Variants in KMT2D observed in about 807,000 individuals in gnomAD.
The protein encoded by KMT2D is histone-lysine N-methyltransferase 2D.
KMT2D carries 55 observed loss-of-function variants against 512.7 expected under a neutral mutation model. The observed-to-expected ratio is 0.11, with a 90% CI of 0.09 to 0.13. KMT2D has a LOEUF of 0.13. Ranked by LOEUF, KMT2D falls within the 10% of genes least tolerant of loss-of-function variation. The pLI is 1.00. For missense variants in KMT2D, 6,061 were observed against 7,127.9 expected (o/e 0.85, Z 5.39); for synonymous variants, 2,995 against 2,904.0 (o/e 1.03, Z -1.01).
intron 44 of KMT2D, 78 bp from the exon 45 acceptor site, chr12:49,029,314 A>C (rs567461185): frequency 6.3e-7 from 1 of 1,584,346 alleles, no homozygotes; most frequent in African/African-American, 1.3e-5. Context: ...TAGATGTCTT[A>C]CTTGAAATCT....
chr12:49,054,168 G>A lies in KMT2D; in HGVS notation c.511-28C>T, dbSNP rs376086299. The A allele has an allele frequency of 1.3e-6, 2 of 1,567,140 alleles. No homozygotes were observed. The highest frequency in any genetic ancestry group is 2.3e-5 in the East Asian group (1 of 42,756). On this transcript the variant is annotated intron_variant, in intron 5 of 54. Coordinates refer to ENST00000301067, the MANE Select transcript of KMT2D (RefSeq NM_003482.4). This position sits in a 1 kb window ranked among gnomAD's most constrained non-coding sequence, Gnocchi z 6.4. ...GCCAGGGTGAAAAAAGAGCCTCAGTGTCAGCCAGCTCTCCCCAGACAAACA... is the reference window on the plus strand; with the variant it reads ...GCCAGGGTGAAAAAAGAGCCTCAGTATCAGCCAGCTCTCCCCAGACAAACA...
At position 49,032,852 on chromosome 12, in the gene KMT2D, CTGCTGTTGA is replaced by C. The variant is rs1246846663; in HGVS notation, c.11844_11852del (p.Gln3952_Gln3954del). 5.2e-6 allele frequency: 8 copies of C among 1,550,022 alleles called. No homozygotes were observed. The highest frequency in any genetic ancestry group is 4.1e-5 in the African/African-American group (3 of 72,960). On this transcript the variant is annotated inframe_deletion, in exon 40 of 55. Coordinates refer to ENST00000301067, the MANE Select transcript of KMT2D (RefSeq NM_003482.4). ...GCTGTTGCTGTTGTAGCTGCTGTTG[CTGCTGTTGA>C]AGCTGTTGCTGCTGCTGTTGTTGAA...
chr12:49,052,920 A>G lies in KMT2D; in HGVS notation c.1107T>C (p.Cys369=). ...RSVAEQHTPV[C]SRFSPPEPGD... ...AGTCAGTCCCCACCACTTACCTGCT[A>G]CACACCGGGGTATGCTGCTCAGCAA... Residue 369 remains cysteine (C), a synonymous_variant, in exon 9 of 55, where the codon TGT becomes TGC. Coordinates refer to ENST00000301067, the MANE Select transcript of KMT2D (RefSeq NM_003482.4). 6.2e-7 allele frequency: 1 copy of G among 1,613,964 alleles called. No homozygotes were observed. The highest frequency in any genetic ancestry group is 8.5e-7 in the Non-Finnish European group (1 of 1,179,844).
chr12:49,019,186 C>CA lies in KMT2D; in HGVS notation c.*2593dup, dbSNP rs1942171151. ...CATTTCATCCGTTGTTACGAAGGAC[C>CA]AACCTTGCTGTACAGGATACACACA... On this transcript the variant is annotated 3_prime_UTR_variant, in exon 55 of 55. Transcript: ENST00000301067. 1 of 1,099,022 alleles carries CA rather than the reference C, an allele frequency of 9.1e-7. No homozygotes were observed. The highest frequency in any genetic ancestry group is 1.1e-6 in the Non-Finnish European group (1 of 892,224). 68.1% of individuals were successfully genotyped at this position (1,099,022 alleles called of 1,614,324 possible).
chr12:49,026,193 G>A lies in KMT2D; in HGVS notation c.15773C>T (p.Ala5258Val), dbSNP rs1942576214. 1 of 1,580,758 alleles carries A rather than the reference G, an allele frequency of 6.3e-7. No homozygotes were observed. Among genetic ancestry groups the A allele is most frequent in the African/African-American group, 1.4e-5 (1 of 74,050 alleles). The part of the protein sequence containing the change: ...QGLEDLVFTD[A>V]SPQAVWNRII... ...GGCCCACTGCTCACCCTGGGGAGAGGCGTCAGTGAAGACCAGGTCCTCCAG... is the reference window on the plus strand; with the variant it reads ...GGCCCACTGCTCACCCTGGGGAGAGACGTCAGTGAAGACCAGGTCCTCCAG... The change falls in exon 49 of 55, where the codon GCC (alanine) becomes GTC (valine). Residue 5258 changes from alanine to valine, a missense_variant. By Grantham distance (64) the Ala-to-Val change is moderately conservative. Transcript: ENST00000301067. The surrounding 1 kb of genome is among the most constrained non-coding windows in gnomAD (Gnocchi z 9.6).
intron 19 of KMT2D, 132 bp from the exon 20 acceptor site, chr12:49,045,097 G>A (rs767790864): frequency 2.5e-6 from 2 of 810,270 alleles, no homozygotes; most frequent in South Asian, 1.7e-5. Flanking sequence ...AAATGCTGAG[G>A]AGAACAGGCC....
rs772198996 is a variant in KMT2D at position 49,031,790 on chromosome 12, G to T, written c.12915C>A (p.Val4305=). 8 of 1,607,576 alleles carry T rather than the reference G, an allele frequency of 5.0e-6. No homozygotes were observed. The highest frequency in any genetic ancestry group is 6.8e-6 in the Non-Finnish European group (8 of 1,176,446). ...GGCTGGATGGTGGAGGTGTGGGATG[G>T]ACAGGGCCAAGGACTGGTCCTGTAG... ...ALSTGPVLGP[V]HPTPPPSSPQ... is the part of the protein sequence containing the mutation. Residue 4305 remains valine, a synonymous_variant, in exon 40 of 55, where the codon GTC becomes GTA. Transcript: ENST00000301067.
chr12:49,055,237 A>G (rs776468404), intron 2 of KMT2D, 39 bp downstream of exon 2: 29 of 1,610,712 alleles, frequency 1.8e-5, no homozygotes, highest in Middle Eastern at 3.3e-4. Context: ...AAGGTTGCCA[A>G]TGAAATCTAA....
In KMT2D at chr12:49,031,285, G is replaced by C. The variant is rs913231668; in HGVS notation, c.13420C>G (p.Leu4474Val). The change falls in exon 40 of 55, where the codon CTC (leucine) becomes GTC (valine). Residue 4474 changes from leucine to valine, a missense_variant. Transcript: ENST00000301067. ...QKLLRAKNVQ[L>V]STGRGSEGLR... is the part of the protein sequence containing the mutation. ...CCCTCGGACCCCCGCCCAGTGCTGA[G>C]TTGCACATTCTTTGCCCGGAGTAGC... The C allele has an allele frequency of 6.2e-7, 1 of 1,613,562 alleles. No individual in the cohort carries two copies.
rs1251374196 is a variant in KMT2D at position 49,038,538 on chromosome 12, G to C, written c.8818C>G (p.Pro2940Ala). ...GGATGAAGACTGTTGTTCAATTCAG[G>C]GGCCGGTGGGGCTGAGGGTTTCTGT... ...PPQKPSAPPAPELNNSLHPTP... is the reference protein window; with the variant it reads ...PPQKPSAPPAAELNNSLHPTP... The change falls in exon 35 of 55, where the codon CCT becomes GCT. Residue 2940 changes from proline to alanine, a missense_variant. Physicochemically the swap from Pro to Ala is conservative, Grantham distance 27. This residue lies in a region of KMT2D where 527 missense variants were observed against 578.9 expected (regional missense o/e 0.91). Transcript: ENST00000301067. This position sits in a 1 kb window ranked among gnomAD's most constrained non-coding sequence, Gnocchi z 5.7. 6.2e-7 allele frequency: 1 copy of C among 1,611,136 alleles called. No homozygotes were observed. Among genetic ancestry groups the C allele is most frequent in the South Asian group, 1.1e-5 (1 of 91,036 alleles).
In KMT2D at chr12:49,042,315, G is replaced by C. The variant is rs534782967; in HGVS notation, c.5883C>G (p.Phe1961Leu). Reference sequence around the variant, plus strand: ...CGGGCTCACCGGGTTCCGGGCTAAAGAAGCCCCCGCGCTCCCTGGGGCGCA... The same window carrying C: ...CGGGCTCACCGGGTTCCGGGCTAAACAAGCCCCCGCGCTCCCTGGGGCGCA... ...PFLDSRERGG[F>L]FSPEPGEPDS... The change falls in exon 29 of 55, where the codon TTC becomes TTG. Residue 1961 changes from phenylalanine to leucine, a missense_variant. This residue lies in a region of KMT2D where 640 missense variants were observed against 814.3 expected (regional missense o/e 0.79). Transcript: ENST00000301067. The surrounding 1 kb of genome is among the most constrained non-coding windows in gnomAD (Gnocchi z 4.4). 1 of 1,546,452 alleles carries C rather than the reference G, an allele frequency of 6.5e-7. No homozygotes were observed. Among genetic ancestry groups the C allele is most frequent in the Non-Finnish European group, 8.7e-7 (1 of 1,144,624 alleles).
rs1442753075 is a variant in KMT2D at position 49,031,676 on chromosome 12, G to A, written c.13029C>T (p.Thr4343=). The A allele has an allele frequency of 6.2e-7, 1 of 1,610,920 alleles. No individual in the cohort carries two copies. The highest frequency in any genetic ancestry group is 8.5e-7 in the Non-Finnish European group (1 of 1,178,738). ...CCAAGGTTGGCCCCTGAGGTTTGGG[G>A]GTCCCTGGATGGGTGGGAGGGAGCT... is the stretch of plus-strand genomic sequence containing the variant. ...EAQLPPTHPG[T]PKPQGPTLEP... is the part of the protein sequence containing the mutation. The change falls in exon 40 of 55, where the codon ACC becomes ACT. Residue 4343 remains threonine (T), a synonymous_variant. Coordinates refer to ENST00000301067, the MANE Select transcript of KMT2D (RefSeq NM_003482.4).
Position 49,022,324 on chromosome 12 carries a change from G to A in KMT2D, c.16368C>T (p.Asn5456=). The A allele has an allele frequency of 6.2e-7, 1 of 1,609,354 alleles. No homozygotes were observed. Among genetic ancestry groups the A allele is most frequent in the Non-Finnish European group, 8.5e-7 (1 of 1,176,830 alleles). Residue 5456 remains asparagine (N), a synonymous_variant, in exon 53 of 55, where the codon AAC becomes AAT. Coordinates refer to ENST00000301067, the MANE Select transcript of KMT2D (RefSeq NM_003482.4). This position sits in a 1 kb window ranked among gnomAD's most constrained non-coding sequence, Gnocchi z 8.6. ...ACGTAGCATCAATCACATGTTCATT[G>A]TTTATTCGGAACATGTAGATGCCTC... ...QNRGIYMFRI[N]NEHVIDATLT... is the part of the protein sequence containing the mutation.
In KMT2D at chr12:49,051,744, G is replaced by C. The variant is rs200106242; in HGVS notation, c.1939C>G (p.Pro647Ala). The change falls in exon 11 of 55, where the codon CCA (proline) becomes GCA (alanine). Residue 647 changes from proline to alanine, a missense_variant. Around this residue, in one of 16 missense-constraint regions of KMT2D, gnomAD observed 848 missense variants for 838.5 expected, o/e 1.01. Transcript: ENST00000301067. ...PPPEESPMSP[P>A]PEVSRLSPLP... is the part of the protein sequence containing the mutation. ...GGGGATAGGCGCGATACCTCAGGTG[G>C]GGGGGACATAGGTGATTCTTCAGGT... 1.3e-6 allele frequency: 2 copies of C among 1,589,452 alleles called. No individual in the cohort carries two copies. The highest frequency in any genetic ancestry group is 2.2e-5 in the East Asian group (1 of 44,462).
At chr12:49,025,308 TAAC>T (rs1942519520) in intron 49 of KMT2D, among the ~76,000 whole-genome samples, 1 of 152,228 alleles carries the variant, frequency 6.6e-6, no homozygotes, top group Non-Finnish European at 1.5e-5. Flanking sequence ...ACGTGCAGCT[TAAC>T]AACATTTCAT....
rs377231704 is a variant in KMT2D at position 49,037,802 on chromosome 12, A to G, written c.9554T>C (p.Phe3185Ser). The G allele has an allele frequency of 1.3e-6, 2 of 1,597,258 alleles. No homozygotes were observed. The highest frequency in any genetic ancestry group is 1.7e-6 in the Non-Finnish European group (2 of 1,171,688). ...SSGHTAEKASFGATGGPPAHL... is the reference protein window; with the variant it reads ...SSGHTAEKASSGATGGPPAHL... ...AGCTGGTGGTCCTCCCGTGGCCCCA[A>G]AGGAGGCCTTCTCAGCTGTGTGCCC... Residue 3185 changes from phenylalanine (F) to serine (S), a missense_variant, in exon 35 of 55, where the codon TTT becomes TCT. By Grantham distance (155) the Phe-to-Ser change is radical. This residue lies in a region of KMT2D where 533 missense variants were observed against 539.6 expected (regional missense o/e 0.99). Transcript: ENST00000301067.
rs2120703168 is a variant in KMT2D at position 49,054,003 on chromosome 12, C to T, written c.648G>A (p.Glu216=). The T allele has an allele frequency of 6.2e-7, 1 of 1,613,960 alleles. No individual in the cohort carries two copies. Among genetic ancestry groups the T allele is most frequent in the East Asian group, 2.2e-5 (1 of 44,890 alleles). ...SMKTLQLLCP[E]HSEGAAYLEE... ...CCAGATATGCAGCCCCCTCACTGTG[C>T]TCTGGGCATAGCAGCTGCAGTGTTT... Residue 216 remains glutamate (E), a synonymous_variant, in exon 6 of 55, where the codon GAG becomes GAA. Transcript: ENST00000301067. This position sits in a 1 kb window ranked among gnomAD's most constrained non-coding sequence, Gnocchi z 6.4.
Position 49,041,942 on chromosome 12 carries a change from G to A in KMT2D, c.6158C>T (p.Pro2053Leu), listed in dbSNP as rs1328720884. 1.2e-6 allele frequency: 2 copies of A among 1,609,712 alleles called. No individual in the cohort carries two copies. Among genetic ancestry groups the A allele is most frequent in the South Asian group, 1.1e-5 (1 of 90,060 alleles). ...CAGGTAGGGGGCTTTGTCAGCTGCT[G>A]GAACCTTTCTCCAGAGCTTCATGAT... ...KQIMKLWRKV[P>L]AADKAPYLQK... Residue 2053 changes from proline (P) to leucine (L), a missense_variant, in exon 30 of 55, where the codon CCA becomes CTA. Pro to Leu is a moderately conservative substitution (Grantham distance 98). Coordinates refer to ENST00000301067, the MANE Select transcript of KMT2D (RefSeq NM_003482.4). The surrounding 1 kb of genome is among the most constrained non-coding windows in gnomAD (Gnocchi z 5.4).
rs1225036439 is a variant in KMT2D, at chr12:49,044,365, C to A, written c.5083+38G>T. The stretch of plus-strand genomic sequence containing the variant: ...GGGGGACCTATTGAGCTGCCCCGCA[C>A]CACCCCACCACCCCACAACCCCATC... On this transcript the variant is annotated intron_variant, in intron 21 of 54. Coordinates refer to ENST00000301067, the MANE Select transcript of KMT2D (RefSeq NM_003482.4). The surrounding 1 kb of genome is among the most constrained non-coding windows in gnomAD (Gnocchi z 6.4). 1 of 1,613,660 alleles carries A rather than the reference C, an allele frequency of 6.2e-7. No individual in the cohort carries two copies.
Sources: gnomAD v4.1 joint callset for allele counts (sites outside exome capture counted in the v4.1 genomes callset) on GRCh38, gnomAD v4.1.1 for gene constraint, gnomAD v4.1.1 regional missense constraint, Gnocchi (gnomAD v3.1) non-coding constraint, MANE v1.5 for transcripts, NCBI Gene and HGNC (gene_info 2026-07-23, HGNC 2026-07-21) for gene names.